DZIP1: variants seen among roughly 807,000 people sequenced by gnomAD.
DZIP1 encodes the protein DAZ interacting zinc finger protein 1.
In DZIP1, 97 loss-of-function variants were observed where a neutral mutation model predicts 107.6. That is an observed-to-expected ratio of 0.90 (90% CI 0.77 to 1.07). The LOEUF is 1.07. DZIP1 is among the 50% of genes least tolerant of loss of function. The probability of loss-of-function intolerance (pLI) is 0.00; values close to 1 mark genes in which losing one functional copy is unlikely to be tolerated. For synonymous variants in DZIP1, 390 were observed against 386.4 expected (o/e 1.01, Z -0.11); for missense variants, 1,035 against 1,063.6 (o/e 0.97, Z 0.37).
At chr13:95,618,071 GA>G in intron 10 of DZIP1, 2 of 517,446 alleles carry the variant, frequency 3.9e-6, no homozygotes, top group Admixed American at 3.9e-5. Flanking sequence ...CTGGAACTCA[GA>G]AGAGTTGTTT....
chr13:95,613,083 T>C (rs2045065361), intron 10 of DZIP1, among the ~76,000 whole-genome samples: 1 of 152,068 alleles, frequency 6.6e-6, no homozygotes, highest in Admixed American at 6.6e-5. Flanking sequence ...TATTCATCTT[T>C]AGAGATAATG....
chr13:95,626,276 G>C (rs1284053274), intron 7 of DZIP1, among the ~76,000 whole-genome samples: 2 of 152,176 alleles, frequency 1.3e-5, no homozygotes, highest in Non-Finnish European at 2.9e-5. Context: ...GAAAGCAACA[G>C]AGAGAATAGA....
At chr13:95,597,058 T>C (rs534768570) in intron 15 of DZIP1, among the ~76,000 whole-genome samples, 2 of 152,314 alleles carry the variant, frequency 1.3e-5, no homozygotes, top group Non-Finnish European at 2.9e-5. Flanking sequence ...TATTTTCTTT[T>C]CCAGTCCAGC....
In DZIP1 at chr13:95,629,986, T is replaced by A. The variant is rs1375677499; in HGVS notation, c.810+3A>T. 6.3e-7 allele frequency: 1 copy of A among 1,599,398 alleles called. No individual in the cohort carries two copies. Among genetic ancestry groups the A allele is most frequent in the East Asian group, 2.2e-5 (1 of 44,714 alleles). ...TAAAATACCACAGAATTCTGCCTGGTACCTTGGAGAATCTGACTGCACTGG... is the reference window on the plus strand; with the variant it reads ...TAAAATACCACAGAATTCTGCCTGGAACCTTGGAGAATCTGACTGCACTGG... On this transcript the variant is annotated splice_donor_region_variant and intron_variant, in intron 7 of 22. Transcript: ENST00000376829.
At position 95,617,150 on chromosome 13, in the gene DZIP1, C is replaced by A. The variant is rs61975169; in HGVS notation, c.1173+2735G>T. On this transcript the variant is annotated intron_variant, in intron 10 of 22. Coordinates refer to ENST00000376829, the MANE Select transcript of DZIP1 (RefSeq NM_198968.4). ...CCAGGAAGCGGAGGTTGCAGTGAGC[C>A]AAGATGGCATCACTGCACTCCAGCC... 8.8e-3 allele frequency among the ~76,000 whole-genome samples: 1,340 copies of A among 151,696 alleles called. 14 individuals carry two copies. Among genetic ancestry groups the A allele is most frequent in the Non-Finnish European group, 0.012 (818 of 67,868 alleles).
chr13:95,625,476 T>C (rs1183640520), intron 7 of DZIP1, among the ~76,000 whole-genome samples: 1 of 152,140 alleles, frequency 6.6e-6, no homozygotes, highest in Non-Finnish European at 1.5e-5. Flanking sequence ...TACCCAACAA[T>C]AGCAGAATAT....
chr13:95,625,426 T>A (rs1456372756), intron 7 of DZIP1, among the ~76,000 whole-genome samples: 1 of 152,158 alleles, frequency 6.6e-6, no homozygotes, highest in Non-Finnish European at 1.5e-5. Context: ...TGAACGACAC[T>A]ATATGCCAAC....
chr13:95,578,219 T>TAAAC lies in DZIP1; in HGVS notation c.*4011_*4014dup, dbSNP rs939821636. On this transcript the variant is annotated 3_prime_UTR_variant, in exon 23 of 23. Transcript: ENST00000376829. ...TTCTGTTGTGGCTTTCTATAAAAAATAAACAGTTTATTTACAGGATTTGTA... is the reference window on the plus strand; with the variant it reads ...TTCTGTTGTGGCTTTCTATAAAAAATAAACAAACAGTTTATTTACAGGATTTGTA... 2.6e-6 allele frequency: 1 copy of TAAAC among 381,074 alleles called. No homozygotes were observed. Among genetic ancestry groups the TAAAC allele is most frequent in the Non-Finnish European group, 4.7e-6 (1 of 213,062 alleles). 23.6% of individuals were successfully genotyped at this position (381,074 alleles called of 1,614,324 possible).
chr13:95,584,858 A>C lies in DZIP1; in HGVS notation c.2402T>G (p.Ile801Arg). 1 of 1,614,048 alleles carries C rather than the reference A, an allele frequency of 6.2e-7. No individual in the cohort carries two copies. Among genetic ancestry groups the C allele is most frequent in the Non-Finnish European group, 8.5e-7 (1 of 1,180,008 alleles). Residue 801 changes from isoleucine to arginine, a missense_variant, in exon 22 of 23, where the codon ATA (isoleucine) becomes AGA (arginine). By Grantham distance (97) the Ile-to-Arg change is moderately conservative (BLOSUM62 -3). Coordinates refer to ENST00000376829, the MANE Select transcript of DZIP1 (RefSeq NM_198968.4). The part of the protein sequence containing the change: ...DWDISSLEEE[I>R]SLGKKSGKEQ... ...TTTCCCAGATTTTTTTCCCAAAGAT[A>C]TCTCTTCCTCTAGGGATGATATGTC...
intron 6 of DZIP1, chr13:95,630,900 A>G: frequency 2.4e-6 from 1 of 412,570 alleles, no homozygotes; most frequent in South Asian, 1.9e-5. Context: ...GAAGAGAAAG[A>G]AGGTCAGTTT....
intron 22 of DZIP1, among the ~76,000 whole-genome samples, chr13:95,582,905 T>G (rs902215499): frequency 6.6e-6 from 1 of 152,178 alleles, no homozygotes; most frequent in African/African-American, 2.4e-5. Context: ...GGCATCCTCT[T>G]GGCCCTGTAA....
intron 12 of DZIP1, among the ~76,000 whole-genome samples, chr13:95,610,474 C>A (rs2044961759): frequency 6.6e-6 from 1 of 151,856 alleles, no homozygotes; most frequent in African/African-American, 2.4e-5. Context: ...CCATGCACAG[C>A]TCATTTTTTA....
chr13:95,640,630 T>C (rs907128201), intron 5 of DZIP1, among the ~76,000 whole-genome samples: 2 of 152,228 alleles, frequency 1.3e-5, no homozygotes, highest in African/African-American at 4.8e-5. Flanking sequence ...TTGGACTCAA[T>C]GTCTAACCCA....
At chr13:95,635,012 C>T (rs539501774) in intron 5 of DZIP1, among the ~76,000 whole-genome samples, 2 of 151,770 alleles carry the variant, frequency 1.3e-5, no homozygotes, top group African/African-American at 4.8e-5. Flanking sequence ...TTTTTCCTTG[C>T]TATCCTTTTG....
At chr13:95,613,551 C>G (rs1566396883) in intron 10 of DZIP1, among the ~76,000 whole-genome samples, 1 of 151,788 alleles carries the variant, frequency 6.6e-6, no homozygotes, top group Non-Finnish European at 1.5e-5. Flanking sequence ...GAAGAACATT[C>G]CAAGTCTATG....
At chr13:95,584,071 G>C (rs1486395516) in intron 22 of DZIP1, among the ~76,000 whole-genome samples, 1 of 151,940 alleles carries the variant, frequency 6.6e-6, no homozygotes, top group South Asian at 2.1e-4. Flanking sequence ...CCACTTCCCA[G>C]GTTCAAGCAA....
intron 12 of DZIP1, among the ~76,000 whole-genome samples, chr13:95,611,202 A>T (rs35588279): frequency 0.31 from 47,455 of 152,122 alleles, 7,682 homozygotes; most frequent in Middle Eastern, 0.35. Context: ...TGTGCCTAAT[A>T]GTACTCTGAT....
intron 15 of DZIP1, among the ~76,000 whole-genome samples, chr13:95,598,339 T>G (rs1257096434): frequency 6.6e-6 from 1 of 152,042 alleles, no homozygotes; most frequent in Non-Finnish European, 1.5e-5. Context: ...CAAAGATACA[T>G]GGAAGCAAAA....
chr13:95,633,059 T>A (rs2083000379), intron 6 of DZIP1, among the ~76,000 whole-genome samples, 175 bp downstream of exon 6: 1 of 152,166 alleles, frequency 6.6e-6, no homozygotes, highest in African/African-American at 2.4e-5. Flanking sequence ...TGGCTGTATC[T>A]CCAGCACCTG....
Sources: gnomAD v4.1 joint callset for allele counts (sites outside exome capture counted in the v4.1 genomes callset) on GRCh38, gnomAD v4.1.1 for gene constraint, MANE v1.5 for transcripts, NCBI Gene and HGNC (gene_info 2026-07-23, HGNC 2026-07-21) for gene names.